The following RBFOX1 variants were observed in gnomAD, a reference collection of about 807,000 sequenced individuals.
RBFOX1 encodes the protein RNA binding fox-1 homolog 1.
In RBFOX1, 8 loss-of-function variants were observed where a neutral mutation model predicts 57.7. That is an observed-to-expected ratio of 0.14 (90% CI 0.08 to 0.25). The LOEUF is 0.25. Ranked by LOEUF, RBFOX1 falls within the 10% of genes least tolerant of loss-of-function variation. The probability of loss-of-function intolerance (pLI) is 1.00; values close to 1 mark genes in which losing one functional copy is unlikely to be tolerated. For missense variants in RBFOX1, 611 were observed against 548.5 expected (o/e 1.11, Z -1.14); for synonymous variants, 326 against 222.4 (o/e 1.47, Z -4.15).
intron 4 of RBFOX1, among the ~76,000 whole-genome samples, chr16:6,004,215 A>C (rs536963504): frequency 6.6e-6 from 1 of 152,210 alleles, no homozygotes; most frequent in East Asian, 1.9e-4. Flanking sequence ...TTTTTAAAGA[A>C]AATAAAAAAG....
chr16:5,913,837 C>A (rs1036481801), intron 4 of RBFOX1, among the ~76,000 whole-genome samples: 1 of 152,220 alleles, frequency 6.6e-6, no homozygotes, highest in African/African-American at 2.4e-5. Flanking sequence ...GTCTTCGTAC[C>A]TATCATGTAC....
chr16:5,354,110 C>T (rs1217867822), intron 1 of RBFOX1, among the ~76,000 whole-genome samples: 1 of 152,182 alleles, frequency 6.6e-6, no homozygotes. Flanking sequence ...GTTAGGATCC[C>T]CTCCTCCATC....
intron 3 of RBFOX1, among the ~76,000 whole-genome samples, chr16:6,746,343 A>T (rs2073634629): frequency 6.6e-6 from 1 of 152,124 alleles, no homozygotes; most frequent in Admixed American, 6.6e-5. Flanking sequence ...GAAGATGAAT[A>T]CTGTATGATT....
chr16:6,301,321 T>TTTTG (rs1221488848), intron 1 of RBFOX1, among the ~76,000 whole-genome samples: 3 of 152,142 alleles, frequency 2.0e-5, no homozygotes, highest in South Asian at 2.1e-4. Flanking sequence ...TTAAGTGGGC[T>TTTTG]TTTGTTTGTT....
intron 1 of RBFOX1, among the ~76,000 whole-genome samples, chr16:6,280,397 T>C (rs1269310027): frequency 6.6e-6 from 1 of 152,136 alleles, no homozygotes; most frequent in Non-Finnish European, 1.5e-5. Context: ...CCCTAGTCTG[T>C]AGCATTTATT....
At chr16:6,427,585 T>G (rs1011371187) in intron 2 of RBFOX1, among the ~76,000 whole-genome samples, 2 of 152,202 alleles carry the variant, frequency 1.3e-5, no homozygotes, top group African/African-American at 4.8e-5. Context: ...CCTTACACCT[T>G]AATGAAAGAG....
At chr16:6,397,133 T>G (rs977202080) in intron 2 of RBFOX1, among the ~76,000 whole-genome samples, 1 of 152,126 alleles carries the variant, frequency 6.6e-6, no homozygotes, top group Non-Finnish European at 1.5e-5. Flanking sequence ...AATGCATAAG[T>G]AATAGTTGAA....
At chr16:5,753,242 C>T (rs552387541) in intron 3 of RBFOX1, among the ~76,000 whole-genome samples, 1 of 151,800 alleles carries the variant, frequency 6.6e-6, no homozygotes, top group Non-Finnish European at 1.5e-5. Context: ...TAGCTAAGTC[C>T]TCATAATGCA....
intron 1 of RBFOX1, among the ~76,000 whole-genome samples, chr16:6,166,871 T>G (rs2096921636): frequency 6.6e-6 from 1 of 152,138 alleles, no homozygotes; most frequent in Non-Finnish European, 1.5e-5. Context: ...CCTCCCGGGT[T>G]CAAGCAATTC....
chr16:6,839,682 G>C (rs1351262088), intron 3 of RBFOX1, among the ~76,000 whole-genome samples: 7 of 152,128 alleles, frequency 4.6e-5, no homozygotes, highest in Non-Finnish European at 7.4e-5. Context: ...TTTTAATTAA[G>C]ATGCTGTTCA....
chr16:7,388,045 T>C (rs74811464), intron 4 of RBFOX1, among the ~76,000 whole-genome samples: 1 of 150,760 alleles, frequency 6.6e-6, no homozygotes, highest in East Asian at 1.9e-4. Flanking sequence ...TTTGTTTTGC[T>C]TTTTTTTTAA....
At chr16:7,170,777 G>T (rs887219390) in intron 4 of RBFOX1, among the ~76,000 whole-genome samples, 1 of 152,080 alleles carries the variant, frequency 6.6e-6, no homozygotes, top group Non-Finnish European at 1.5e-5. Flanking sequence ...TACAGTCTTA[G>T]GGAAAACATG....
intron 4 of RBFOX1, among the ~76,000 whole-genome samples, chr16:7,238,939 A>G (rs1362817735): frequency 6.6e-6 from 1 of 152,150 alleles, no homozygotes; most frequent in East Asian, 1.9e-4. Context: ...GAGAGCCTCC[A>G]GTTTCATCCA....
chr16:5,910,286 G>A (rs2058573787), intron 4 of RBFOX1, among the ~76,000 whole-genome samples: 1 of 152,038 alleles, frequency 6.6e-6, no homozygotes, highest in South Asian at 2.1e-4. Context: ...GTTTCACATA[G>A]CATCACACAG....
intron 4 of RBFOX1, among the ~76,000 whole-genome samples, chr16:7,344,199 G>C (rs1384147995): frequency 7.1e-6 from 1 of 141,360 alleles, no homozygotes; most frequent in Non-Finnish European, 1.5e-5. Context: ...CTAAATTCAA[G>C]CTTCGCTGTA....
At chr16:7,208,152 G>A (rs1019187632) in intron 4 of RBFOX1, among the ~76,000 whole-genome samples, 24 of 152,140 alleles carry the variant, frequency 1.6e-4, no homozygotes, top group African/African-American at 5.8e-4. Context: ...TTTGGTTTTT[G>A]GAGGCAGGTA....
chr16:7,020,627 A>G (rs186570574), intron 3 of RBFOX1, among the ~76,000 whole-genome samples: 1 of 152,232 alleles, frequency 6.6e-6, no homozygotes, highest in African/African-American at 2.4e-5. Context: ...ACATGTCCAC[A>G]TAAAGAGTGA....
At chr16:6,800,574 G>A (rs931749795) in intron 3 of RBFOX1, among the ~76,000 whole-genome samples, 10 of 152,140 alleles carry the variant, frequency 6.6e-5, no homozygotes, top group South Asian at 2.1e-4. Flanking sequence ...TAGAGGGCCC[G>A]GTAATCACCT....
rs145062314 is a variant in RBFOX1 at position 7,089,672 on chromosome 16, A to T, written c.27+37574A>T. Among the ~76,000 whole-genome samples, 103 of 152,292 alleles carry T rather than the reference A, an allele frequency of 6.8e-4. 1 individual carries two copies. The East Asian group carries it at 0.018, about 27-fold the overall frequency. ...ATATTTGCAACTCAAAGCAGAGGAA[A>T]AATGATGCGTGTCCCAGACCCCCTT... On this transcript the variant is annotated intron_variant, in intron 4 of 15. Coordinates refer to ENST00000550418, the MANE Select transcript of RBFOX1 (RefSeq NM_018723.4).
Sources: allele counts gnomAD v4.1 joint callset (sites outside exome capture counted in the v4.1 genomes callset), GRCh38; gene constraint gnomAD v4.1.1; transcripts MANE v1.5; gene names NCBI Gene and HGNC (gene_info 2026-07-23, HGNC 2026-07-21).